The following ADAM28 variants were observed in gnomAD, a reference collection of about 807,000 sequenced individuals.
The protein encoded by ADAM28 is disintegrin and metalloproteinase domain-containing protein 28.
In ADAM28, 105 loss-of-function variants were observed where a neutral mutation model predicts 101.2. The observed-to-expected ratio is 1.04, with a 90% CI of 0.89 to 1.22. The LOEUF (loss-of-function observed/expected upper bound fraction) is 1.22, where lower values mean the gene tolerates loss of function less well. Among genes scored for constraint, ADAM28 ranks in the 50% most tolerant of loss-of-function variants. ADAM28 has a pLI of 0.00. For missense variants in ADAM28, 1,028 were observed against 945.4 expected, an observed-to-expected ratio of 1.09 and a Z score of -1.15; for synonymous variants, 322 against 310.6, an observed-to-expected ratio of 1.04 and a Z score of -0.39.
In ADAM28 at chr8:24,357,705, C is replaced by G. The variant is rs546602642; in HGVS notation, c.*3301C>G. On this transcript the variant is annotated 3_prime_UTR_variant, in exon 23 of 23. Transcript: ENST00000265769. ...CAAACCATATAATGTTTTAAATGCT[C>G]CAGATAGGTTTAGGTAAAATTAACT... is the stretch of plus-strand genomic sequence containing the variant. The G allele has an allele frequency of 2.6e-5, 4 of 152,172 alleles. No individual in the cohort carries two copies. The East Asian group carries it at 7.7e-4, about 29-fold the overall frequency. 9.4% of individuals were successfully genotyped at this position (152,172 alleles called of 1,614,324 possible).
chr8:24,326,616 A>G lies in ADAM28; in HGVS notation c.953A>G (p.Tyr318Cys). Residue 318 changes from tyrosine (Y) to cysteine (C), a missense_variant, in exon 10 of 23, where the codon TAT (tyrosine) becomes TGT (cysteine). Physicochemically the swap from Tyr to Cys is radical, Grantham distance 194. Transcript: ENST00000265769. ...TTTATGTCTACAATGTGTTCTCCTT[A>G]TTCTGTTGGCGTTGTTCAGGTCTGT... ...LAFMSTMCSP[Y>C]SVGVVQDHSD... The G allele has an allele frequency of 6.2e-7, 1 of 1,611,578 alleles. No individual in the cohort carries two copies. The highest frequency in any genetic ancestry group is 8.5e-7 in the Non-Finnish European group (1 of 1,178,640).
chr8:24,353,347 T>G (rs1816392621), intron 21 of ADAM28, among the ~76,000 whole-genome samples: 1 of 152,068 alleles, frequency 6.6e-6, no homozygotes, highest in South Asian at 2.1e-4. Context: ...TTACAGTACA[T>G]TCACTCATTA....
At chr8:24,299,489 C>T (rs568257797) in intron 1 of ADAM28, among the ~76,000 whole-genome samples, 1 of 152,082 alleles carries the variant, frequency 6.6e-6, no homozygotes, top group African/African-American at 2.4e-5. Context: ...TAGAATATTG[C>T]TGTTTTCAAA....
intron 22 of ADAM28, 121 bp from the exon 23 acceptor site, chr8:24,354,263 G>A: frequency 1.2e-6 from 1 of 848,442 alleles, no homozygotes; most frequent in Non-Finnish European, 1.9e-6. Context: ...GCTGTATCAA[G>A]TGACCTATGA....
intron 12 of ADAM28, 78 bp downstream of exon 12, chr8:24,331,405 C>G: frequency 7.3e-7 from 1 of 1,369,752 alleles, no homozygotes; most frequent in Non-Finnish European, 9.8e-7. Flanking sequence ...TAATGTGTGG[C>G]CCGCTATAAC....
chr8:24,305,237 T>C (rs1459441625), intron 2 of ADAM28, among the ~76,000 whole-genome samples: 1 of 152,036 alleles, frequency 6.6e-6, no homozygotes, highest in Non-Finnish European at 1.5e-5. Context: ...TATTCATATA[T>C]ACACTAATAT....
In ADAM28 at chr8:24,309,907, C is replaced by A. The variant is rs1810218253; in HGVS notation, c.164C>A (p.Thr55Asn). The change falls in exon 3 of 23, where the codon ACT becomes AAT. Residue 55 changes from threonine (T) to asparagine (N), a missense_variant. Physicochemically the swap from Thr to Asn is moderately conservative, Grantham distance 65. Coordinates refer to ENST00000265769, the MANE Select transcript of ADAM28 (RefSeq NM_014265.6). ...KEPEQQEQFETELKYKMTING... is the reference protein window; with the variant it reads ...KEPEQQEQFENELKYKMTING... ...GTATTTTTGCAGGAACAATTTGAAA[C>A]TGAATTAAAGTATAAAATGACAATT... 6.4e-7 allele frequency: 1 copy of A among 1,550,452 alleles called. No homozygotes were observed. Among genetic ancestry groups the A allele is most frequent in the African/African-American group, 1.4e-5 (1 of 73,168 alleles).
intron 9 of ADAM28, among the ~76,000 whole-genome samples, chr8:24,325,885 A>ACAAAC (rs1407349784): frequency 1.4e-5 from 2 of 142,034 alleles, no homozygotes; most frequent in East Asian, 2.1e-4. Context: ...AAAAAAAAAA[A>ACAAAC]AAAAAAAAAA....
intron 16 of ADAM28, among the ~76,000 whole-genome samples, chr8:24,342,187 G>A (rs747014322): frequency 1.3e-5 from 2 of 152,112 alleles, no homozygotes; most frequent in Non-Finnish European, 2.9e-5. Context: ...TACGAGTACT[G>A]TTTAGCCAGG....
In ADAM28 at chr8:24,358,491, T is replaced by C. The variant is rs1269755975; in HGVS notation, c.*4087T>C. Reference sequence around the variant, plus strand: ...GGCCAAGCCAAGAGTGGCACAGCTGTGTGGAGATACTGAGCTCCACCTTGT... The same window carrying C: ...GGCCAAGCCAAGAGTGGCACAGCTGCGTGGAGATACTGAGCTCCACCTTGT... On this transcript the variant is annotated 3_prime_UTR_variant, in exon 23 of 23. Transcript: ENST00000265769. 1 of 152,208 alleles carries C rather than the reference T, an allele frequency of 6.6e-6. No individual in the cohort carries two copies. The highest frequency in any genetic ancestry group is 6.5e-5 in the Admixed American group (1 of 15,268). The allele number at this position is 152,208 out of a possible 1,614,324, so 9.4% of individuals were successfully genotyped here.
At chr8:24,318,590 C>T (rs1001361483) in intron 6 of ADAM28, among the ~76,000 whole-genome samples, 10 of 151,808 alleles carry the variant, frequency 6.6e-5, no homozygotes, top group Admixed American at 5.9e-4. Context: ...CTAAAATATG[C>T]CCCCAAAAGA....
At chr8:24,350,380 C>T (rs1335715027) in intron 19 of ADAM28, among the ~76,000 whole-genome samples, 1 of 152,048 alleles carries the variant, frequency 6.6e-6, no homozygotes, top group Non-Finnish European at 1.5e-5. Context: ...GCTGCGATCT[C>T]GGCTCACTGC....
chr8:24,343,650 A>T, intron 18 of ADAM28, 66 bp downstream of exon 18: 1 of 1,422,294 alleles, frequency 7.0e-7, no homozygotes, highest in South Asian at 1.2e-5. Context: ...ATTTTGTATT[A>T]TATGAGATTT....
intron 2 of ADAM28, among the ~76,000 whole-genome samples, chr8:24,307,555 A>C (rs1185210554): frequency 2.0e-5 from 3 of 152,252 alleles, no homozygotes; most frequent in African/African-American, 7.2e-5. Context: ...TATGAATGAC[A>C]TAAGGACTAA....
intron 14 of ADAM28, 55 bp from the exon 15 acceptor site, chr8:24,339,411 C>G: frequency 3.0e-6 from 4 of 1,328,188 alleles, no homozygotes; most frequent in Non-Finnish European, 4.2e-6. Flanking sequence ...TTTCAAGTAT[C>G]TCTTGAATCT....
rs1020162128 is a variant in ADAM28, at chr8:24,336,017, C to T, written c.1567+376C>T. On this transcript the variant is annotated intron_variant, in intron 14 of 22. Transcript: ENST00000265769. ...GGCAACCCTACTAAGATCATAAACC[C>T]TTGGAAATCTGTGTGTGTGCGGGTG... is the stretch of plus-strand genomic sequence containing the variant. 18 of 1,009,926 alleles carry T rather than the reference C, an allele frequency of 1.8e-5. No individual in the cohort carries two copies. In the East Asian group the frequency reaches 2.9e-4, roughly 16 times the overall value. The allele number at this position is 1,009,926 out of a possible 1,614,324, so 62.6% of individuals were successfully genotyped here.
At chr8:24,353,950 G>A (rs1816478890) in intron 22 of ADAM28, 118 bp downstream of exon 22, 3 of 625,128 alleles carry the variant, frequency 4.8e-6, no homozygotes, top group Non-Finnish European at 8.1e-6. Context: ...GTATGATTTG[G>A]AGATGGGTGC....
At chr8:24,313,998 C>T (rs1242634871) in intron 6 of ADAM28, among the ~76,000 whole-genome samples, 2 of 152,096 alleles carry the variant, frequency 1.3e-5, no homozygotes, top group Non-Finnish European at 2.9e-5. Flanking sequence ...CTCGGGTGAT[C>T]CACCTGTCTC....
At chr8:24,350,051 C>A in intron 19 of ADAM28, 79 bp downstream of exon 19, 1 of 1,225,198 alleles carries the variant, frequency 8.2e-7, no homozygotes, top group Non-Finnish European at 1.1e-6. Context: ...TATAACCTAT[C>A]CTTTCAAATT....
Sources: gnomAD v4.1 joint callset for allele counts (sites outside exome capture counted in the v4.1 genomes callset) on GRCh38, gnomAD v4.1.1 for gene constraint, MANE v1.5 for transcripts, NCBI Gene and HGNC (gene_info 2026-07-23, HGNC 2026-07-21) for gene names.